The following HDGFL2 variants were observed in gnomAD, a reference collection of about 807,000 sequenced individuals.
The protein encoded by HDGFL2 is HDGF like 2, also known as hepatoma-derived growth factor-related protein 2.
In HDGFL2, 36 loss-of-function variants were observed where a neutral mutation model predicts 77.1. The observed-to-expected ratio is 0.47, with a 90% CI of 0.36 to 0.62. The LOEUF is 0.62. HDGFL2 is among the 20% of genes least tolerant of loss of function. The pLI, the probability that HDGFL2 is intolerant of heterozygous loss-of-function variation, is 0.00. For synonymous variants in HDGFL2, 463 were observed against 413.1 expected, an observed-to-expected ratio of 1.12 and a Z score of -1.46; for missense variants, 976 against 973.4, an observed-to-expected ratio of 1.00 and a Z score of -0.04.
At chr19:4,477,417 G>A (rs553264654) in intron 3 of HDGFL2, among the ~76,000 whole-genome samples, 1 of 152,306 alleles carries the variant, frequency 6.6e-6, no homozygotes, top group African/African-American at 2.4e-5. Flanking sequence ...CACCCATGGT[G>A]TGTCTAGGAG....
chr19:4,498,777 G>C (rs1305236063), intron 12 of HDGFL2, 37 bp from the exon 13 acceptor site: 5 of 1,459,292 alleles, frequency 3.4e-6, no homozygotes, highest in Admixed American at 3.7e-5. Context: ...GGATCCCTTG[G>C]CCAGGCCGTC....
At chr19:4,491,444 T>A in intron 4 of HDGFL2, 122 bp from the exon 5 acceptor site, 5 of 764,388 alleles carry the variant, frequency 6.5e-6, no homozygotes, top group Non-Finnish European at 1.1e-5. Flanking sequence ...TCTCAGAGGG[T>A]TCCTGGCCCG....
intron 3 of HDGFL2, among the ~76,000 whole-genome samples, chr19:4,481,766 C>T (rs1975224259): frequency 6.6e-6 from 1 of 151,886 alleles, no homozygotes; most frequent in Non-Finnish European, 1.5e-5. Context: ...CCTCAGTTTC[C>T]TCATCTAAAA....
At chr19:4,493,604 C>T in intron 6 of HDGFL2, 99 bp from the exon 7 acceptor site, 1 of 1,287,400 alleles carries the variant, frequency 7.8e-7, no homozygotes. Flanking sequence ...CCCGCAGAGC[C>T]TGGCGGCTGC....
At position 4,499,551 on chromosome 19, in the gene HDGFL2, C is replaced by T; in HGVS notation, c.1636C>T (p.Leu546Phe). 1 of 1,613,820 alleles carries T rather than the reference C, an allele frequency of 6.2e-7. No homozygotes were observed. Among genetic ancestry groups the T allele is most frequent in the Non-Finnish European group, 8.5e-7 (1 of 1,179,956 alleles). The change falls in exon 14 of 16, where the codon CTC (leucine) becomes TTC (phenylalanine). Residue 546 changes from leucine to phenylalanine, a missense_variant. By Grantham distance (22) the Leu-to-Phe change is conservative (BLOSUM62 0). Coordinates refer to ENST00000616600, the MANE Select transcript of HDGFL2 (RefSeq NM_001001520.3). Reference protein sequence around the residue: ...MEKAAEVYTRLKSRVLGPKIE... With the variant: ...MEKAAEVYTRFKSRVLGPKIE... ...GAAGGCAGCAGAAGTCTATACCCGG[C>T]TCAAGTCGCGGGTCCTCGGCCCAAA...
At chr19:4,486,174 A>G (rs1174787435) in intron 3 of HDGFL2, among the ~76,000 whole-genome samples, 1 of 152,074 alleles carries the variant, frequency 6.6e-6, no homozygotes, top group East Asian at 1.9e-4. Flanking sequence ...CCACGCTGGC[A>G]AGGCTGGCCT....
intron 9 of HDGFL2, among the ~76,000 whole-genome samples, chr19:4,495,466 A>G (rs1975678427): frequency 6.6e-6 from 1 of 150,806 alleles, no homozygotes; most frequent in Non-Finnish European, 1.5e-5. Flanking sequence ...GATACATTCT[A>G]GGCAGGAGAA....
chr19:4,483,991 G>A (rs10411004), intron 3 of HDGFL2, among the ~76,000 whole-genome samples: 11,928 of 150,264 alleles, frequency 0.079, 531 homozygotes, highest in African/African-American at 0.13. Flanking sequence ...GAGTTTCATT[G>A]TGTTAGCCAG....
In HDGFL2 at chr19:4,494,487, G is replaced by T; in HGVS notation, c.1224+12G>T. Reference sequence around the variant, plus strand: ...AGCTGGAGAGAGAGGTGAGCCGGGAGGGCGCCGGGAGTCCCTGCCTTCACT... The same window carrying T: ...AGCTGGAGAGAGAGGTGAGCCGGGATGGCGCCGGGAGTCCCTGCCTTCACT... On this transcript the variant is annotated intron_variant, in intron 9 of 15. Transcript: ENST00000616600. The T allele has an allele frequency of 7.3e-7, 1 of 1,371,778 alleles. No homozygotes were observed. The highest frequency in any genetic ancestry group is 1.8e-5 in the South Asian group (1 of 56,580). 85.0% of individuals were successfully genotyped at this position (1,371,778 alleles called of 1,614,324 possible).
intron 3 of HDGFL2, among the ~76,000 whole-genome samples, chr19:4,483,417 C>T (rs529432621): frequency 6.6e-6 from 1 of 152,318 alleles, no homozygotes; most frequent in South Asian, 2.1e-4. Context: ...GAGGTTCCCT[C>T]CTGTGGTTCC....
chr19:4,480,589 G>A (rs1185422653), intron 3 of HDGFL2, among the ~76,000 whole-genome samples: 1 of 152,130 alleles, frequency 6.6e-6, no homozygotes, highest in East Asian at 1.9e-4. Flanking sequence ...CATGGCGGTG[G>A]GTGCCTGTGA....
Position 4,494,466 on chromosome 19 carries a change from GGA to G in HDGFL2, c.1223_1224del (p.Glu408GlyfsTer73), listed in dbSNP as rs1199810180. ...CTGACTCCGAGCCCGAGGCCGAGCT[GGA>G]GAGAGAGGTGAGCCGGGAGGGCGCC... ...SSDSEPEAEL[E>X]REAKKSAKKP... On this transcript the variant is annotated frameshift_variant, in exon 9 of 16. Transcript: ENST00000616600. LOFTEE classifies it high-confidence loss of function. 2 of 1,388,636 alleles carry G rather than the reference GGA, an allele frequency of 1.4e-6. No homozygotes were observed. The highest frequency in any genetic ancestry group is 1.9e-6 in the Non-Finnish European group (2 of 1,075,716). The allele number at this position is 1,388,636 out of a possible 1,614,324, so 86.0% of individuals were successfully genotyped here. A position where few individuals can be genotyped will look rare whatever the true frequency, so the allele number is the denominator to read the frequency against.
rs1599692750 is a variant in HDGFL2 at position 4,472,408 on chromosome 19, C to T, written c.58C>T (p.His20Tyr). 6.7e-7 allele frequency: 1 copy of T among 1,489,772 alleles called. No homozygotes were observed. The highest frequency in any genetic ancestry group is 1.3e-5 in the South Asian group (1 of 77,116). 92.3% of individuals were successfully genotyped at this position (1,489,772 alleles called of 1,614,324 possible). The change falls in exon 1 of 16, where the codon CAC (histidine) becomes TAC (tyrosine). Residue 20 changes from histidine (H) to tyrosine (Y), a missense_variant. Physicochemically the swap from His to Tyr is moderately conservative, Grantham distance 83. Transcript: ENST00000616600. ...GTTCGCTAAGATGAAGGGCTACCCT[C>T]ACTGGCCTGCCAGGGTGAGGCCGCG... The part of the protein sequence containing the change: ...LVFAKMKGYP[H>Y]WPARIDDIAD...
intron 10 of HDGFL2, chr19:4,497,659 C>T (rs1350143595): frequency 6.6e-6 from 3 of 457,218 alleles, no homozygotes; most frequent in Non-Finnish European, 1.2e-5. Context: ...TTTCCTAGCT[C>T]GCTGACTCTG....
intron 6 of HDGFL2, 62 bp from the exon 7 acceptor site, chr19:4,493,641 G>T (rs1256422376): frequency 3.0e-5 from 42 of 1,384,678 alleles, no homozygotes. Context: ...CCTCTGGCCT[G>T]GTGCGCCCCG....
intron 9 of HDGFL2, among the ~76,000 whole-genome samples, chr19:4,495,027 C>G (rs1177198291): frequency 6.6e-6 from 1 of 152,116 alleles, no homozygotes; most frequent in Non-Finnish European, 1.5e-5. Flanking sequence ...GGGGGTTTCT[C>G]TTTTAAATAG....
chr19:4,493,078 T>C (rs1042402144), intron 6 of HDGFL2, among the ~76,000 whole-genome samples: 2 of 51,464 alleles, frequency 3.9e-5, no homozygotes, highest in Non-Finnish European at 7.8e-5. Context: ...GTGTGTGGTG[T>C]GTGTGTGTTA....
At chr19:4,496,478 C>A in intron 10 of HDGFL2, 73 bp downstream of exon 10, 1 of 1,132,662 alleles carries the variant, frequency 8.8e-7, no homozygotes, top group Non-Finnish European at 1.3e-6. Context: ...TCACCCCTCA[C>A]AGGGGCAGCC....
chr19:4,494,057 G>A lies in HDGFL2; in HGVS notation c.914G>A (p.Ser305Asn), dbSNP rs368780587. ...CCTCCGTCCAGCTCCAGCAGTGACAGGTGGGTGCTGGGGCTGGGGTCCCCT... is the reference window on the plus strand; with the variant it reads ...CCTCCGTCCAGCTCCAGCAGTGACAAGTGGGTGCTGGGGCTGGGGTCCCCT... ...ERPPSSSSSD[S>N]DSDEVDRISE... Residue 305 changes from serine to asparagine, a missense_variant and splice_region_variant, in exon 8 of 16, where the codon AGT (serine) becomes AAT (asparagine). Coordinates refer to ENST00000616600, the MANE Select transcript of HDGFL2 (RefSeq NM_001001520.3). 2.5e-6 allele frequency: 4 copies of A among 1,604,154 alleles called. No individual in the cohort carries two copies. In the African/African-American group the frequency reaches 5.4e-5, roughly 21 times the overall value.
Sources: allele counts gnomAD v4.1 joint callset (sites outside exome capture counted in the v4.1 genomes callset), GRCh38; gene constraint gnomAD v4.1.1; transcripts MANE v1.5; gene names NCBI Gene and HGNC (gene_info 2026-07-23, HGNC 2026-07-21).